Variants in PRDM16 observed in about 807,000 individuals in gnomAD.
The protein encoded by PRDM16 is histone-lysine N-methyltransferase PRDM16.
In PRDM16, 23 loss-of-function variants were observed where a neutral mutation model predicts 110.6. The ratio of observed to expected loss-of-function variants is 0.21; its 90% confidence interval spans 0.15 to 0.29. The LOEUF is 0.29. Among genes scored for constraint, PRDM16 ranks in the 10% least tolerant of loss-of-function variants. The pLI, the probability that PRDM16 is intolerant of heterozygous loss-of-function variation, is 1.00. For missense variants in PRDM16, 1,615 were observed against 1,794.3 expected, an observed-to-expected ratio of 0.90 and a Z score of 1.81; for synonymous variants, 799 against 781.8, an observed-to-expected ratio of 1.02 and a Z score of -0.37.
intron 2 of PRDM16, among the ~76,000 whole-genome samples, chr1:3,205,010 A>C (rs2100834505): frequency 6.6e-6 from 1 of 152,200 alleles, no homozygotes; most frequent in South Asian, 2.1e-4. Context: ...AAAGAAGGGA[A>C]GGGGAAACGC....
rs1411950795 is a variant in PRDM16, at chr1:3,186,372, C to T, written c.285C>T (p.Gly95=). ...GAGAGTCCTCCATCCCAGGGGCTGG[C>T]CTGGGGGTCTGGGCCAAGAGGAAGA... ...ELRESSIPGA[G]LGVWAKRKME... Residue 95 remains glycine (G), a synonymous_variant, in exon 2 of 17, where the codon GGC becomes GGT. Coordinates refer to ENST00000270722, the MANE Select transcript of PRDM16 (RefSeq NM_022114.4). 3 of 1,611,194 alleles carry T rather than the reference C, an allele frequency of 1.9e-6. No homozygotes were observed. The highest frequency in any genetic ancestry group is 2.5e-6 in the Non-Finnish European group (3 of 1,179,250).
intron 1 of PRDM16, among the ~76,000 whole-genome samples, chr1:3,154,658 G>A (rs953130430): frequency 1.3e-5 from 2 of 152,124 alleles, no homozygotes; most frequent in Admixed American, 1.3e-4. Flanking sequence ...AGTCGGCCGG[G>A]CATCCTGCAC....
chr1:3,367,582 C>T (rs75241354), intron 3 of PRDM16, among the ~76,000 whole-genome samples: 4,213 of 152,272 alleles, frequency 0.028, 56 homozygotes, highest in Middle Eastern at 0.071. Flanking sequence ...TCAAAAGTGC[C>T]GGGCTCAAGC....
intron 2 of PRDM16, among the ~76,000 whole-genome samples, chr1:3,240,038 A>G (rs12755504): frequency 0.018 from 1,903 of 105,222 alleles, 21 homozygotes; most frequent in African/African-American, 0.027. Flanking sequence ...AGGAGAGGAG[A>G]AGAGGAGAGG....
At chr1:3,193,133 C>T (rs1009948535) in intron 2 of PRDM16, among the ~76,000 whole-genome samples, 37 of 151,998 alleles carry the variant, frequency 2.4e-4, no homozygotes, top group Admixed American at 1.4e-3. Context: ...GGCCAGACGA[C>T]GAGTACCCAG....
In PRDM16 at chr1:3,157,231, G is replaced by A. The variant is rs776862600; in HGVS notation, c.38-28894G>A. ...GCAAGAGCTCAGGCCCTCAGGGAGC[G>A]TGGCCAGATCCGGCAGATGAAATCC... On this transcript the variant is annotated intron_variant, in intron 1 of 16. Coordinates refer to ENST00000270722, the MANE Select transcript of PRDM16 (RefSeq NM_022114.4). The surrounding 1 kb of genome is among the most constrained non-coding windows in gnomAD (Gnocchi z 4.8). Among the ~76,000 whole-genome samples the A allele has an allele frequency of 3.3e-5, 5 of 152,148 alleles. No homozygotes were observed. The highest frequency in any genetic ancestry group is 1.2e-4 in the African/African-American group (5 of 41,430).
At chr1:3,131,246 G>T (rs1413190102) in intron 1 of PRDM16, among the ~76,000 whole-genome samples, 9 of 152,144 alleles carry the variant, frequency 5.9e-5, no homozygotes, top group African/African-American at 2.2e-4. Flanking sequence ...TCATTGTCCA[G>T]TTGTCTGCAT....
At chr1:3,302,672 G>A (rs1372551079) in intron 3 of PRDM16, among the ~76,000 whole-genome samples, 1 of 152,186 alleles carries the variant, frequency 6.6e-6, no homozygotes, top group Non-Finnish European at 1.5e-5. Context: ...CTGTGCCTGG[G>A]AACTGCAGAC....
intron 2 of PRDM16, among the ~76,000 whole-genome samples, chr1:3,221,163 G>A (rs1639142427): frequency 6.6e-6 from 1 of 152,080 alleles, no homozygotes. Flanking sequence ...GTGCAACTCA[G>A]CCTCAGCATT....
rs868362774 is a variant in PRDM16 at position 3,246,179 on chromosome 1, C to T, written c.438+2042C>T. Among the ~76,000 whole-genome samples the T allele has an allele frequency of 1.3e-5, 2 of 152,120 alleles. No homozygotes were observed. The highest frequency in any genetic ancestry group is 2.4e-5 in the African/African-American group (1 of 41,428). Reference sequence around the variant, plus strand: ...TGCCTCTGGGCCACGGTGGGTTTGCCTTTGTGTCTTATATGTGTGGCCATT... The same window carrying T: ...TGCCTCTGGGCCACGGTGGGTTTGCTTTTGTGTCTTATATGTGTGGCCATT... On this transcript the variant is annotated intron_variant, in intron 3 of 16. Coordinates refer to ENST00000270722, the MANE Select transcript of PRDM16 (RefSeq NM_022114.4). The surrounding 1 kb of genome is among the most constrained non-coding windows in gnomAD (Gnocchi z 5.2).
intron 1 of PRDM16, among the ~76,000 whole-genome samples, chr1:3,145,934 G>A (rs182547549): frequency 1.1e-4 from 17 of 152,130 alleles, no homozygotes; most frequent in South Asian, 2.1e-4. Context: ...GTCCCCCGGC[G>A]CCCCCCGGGT....
intron 3 of PRDM16, among the ~76,000 whole-genome samples, chr1:3,292,619 A>C (rs1641001898): frequency 6.6e-6 from 1 of 151,562 alleles, no homozygotes; most frequent in African/African-American, 2.4e-5. Flanking sequence ...ACGGAAGGGG[A>C]AAGGACGGTC....
chr1:3,422,791 G>A (rs9783034), intron 12 of PRDM16, among the ~76,000 whole-genome samples: 3 of 152,170 alleles, frequency 2.0e-5, no homozygotes, highest in Non-Finnish European at 4.4e-5. Context: ...AAACTGCAGC[G>A]CCGCCCAGGG....
intron 2 of PRDM16, among the ~76,000 whole-genome samples, chr1:3,223,142 G>A (rs1419735592): frequency 1.8e-5 from 2 of 113,106 alleles, no homozygotes; most frequent in Non-Finnish European, 3.3e-5. Context: ...ACAGAGTCTT[G>A]CTCTGTTGCC....
intron 1 of PRDM16, among the ~76,000 whole-genome samples, chr1:3,151,539 GC>G (rs1643775391): frequency 6.6e-6 from 1 of 152,224 alleles, no homozygotes; most frequent in East Asian, 1.9e-4. Context: ...ACTTCCATCT[GC>G]CTGTGGATAA....
At chr1:3,289,007 G>A (rs1249896658) in intron 3 of PRDM16, among the ~76,000 whole-genome samples, 1 of 152,242 alleles carries the variant, frequency 6.6e-6, no homozygotes, top group Non-Finnish European at 1.5e-5. Context: ...ACAGGGCCTA[G>A]GGGCAGGGGA....
intron 1 of PRDM16, among the ~76,000 whole-genome samples, chr1:3,125,534 A>C (rs1643186372): frequency 6.6e-6 from 1 of 152,256 alleles, no homozygotes; most frequent in Non-Finnish European, 1.5e-5. Context: ...TCTGAAGCAC[A>C]GGCCTCTGGG....
At chr1:3,368,163 C>G (rs764933618) in intron 3 of PRDM16, among the ~76,000 whole-genome samples, 1 of 152,218 alleles carries the variant, frequency 6.6e-6, no homozygotes, top group Non-Finnish European at 1.5e-5. Flanking sequence ...CGCTGAGAAC[C>G]TGCTGGTCCT....
intron 4 of PRDM16, chr1:3,386,729 G>A (rs975121195): frequency 2.6e-5 from 4 of 152,182 alleles, no homozygotes; most frequent in African/African-American, 7.2e-5. Context: ...ATAGAAGGAC[G>A]GTCTTTCCGT....
Sources: allele counts gnomAD v4.1 joint callset (sites outside exome capture counted in the v4.1 genomes callset), GRCh38; gene constraint gnomAD v4.1.1; non-coding constraint Gnocchi (gnomAD v3.1); transcripts MANE v1.5; gene names NCBI Gene and HGNC (gene_info 2026-07-23, HGNC 2026-07-21).